The following PRDM10 variants were observed in gnomAD, a reference collection of about 807,000 sequenced individuals.
PRDM10 encodes PR/SET domain 10.
In PRDM10, 65 loss-of-function variants were observed where a neutral mutation model predicts 133.1. That is an observed-to-expected ratio of 0.49 (90% CI 0.40 to 0.60). The LOEUF is 0.60. PRDM10 is among the 20% of genes least tolerant of loss of function. The probability of loss-of-function intolerance (pLI) is 0.00; values close to 1 mark genes in which losing one functional copy is unlikely to be tolerated. For synonymous variants in PRDM10, 582 were observed against 580.4 expected (o/e 1.00, Z -0.04); for missense variants, 1,137 against 1,507.1 (o/e 0.75, Z 4.07).
In PRDM10 at chr11:129,947,274, C is replaced by T; in HGVS notation, c.391G>A (p.Glu131Lys). The change falls in exon 5 of 21, where the codon GAG becomes AAG. Residue 131 changes from glutamate to lysine, a missense_variant. Glu to Lys is a moderately conservative substitution (Grantham distance 56). This residue lies in a region of PRDM10 where 635 missense variants were observed against 835.2 expected (regional missense o/e 0.76). Transcript: ENST00000360871. This position sits in a 1 kb window ranked among gnomAD's most constrained non-coding sequence, Gnocchi z 4.6. ...TCCTCATCCTCTTCCTCTTTGGCCT[C>T]CAGTCTGCCTAGAGGGGTCTGCAGA... ...ATLQTPLGRL[E>K]AKEEEDEDED... 1 of 1,614,150 alleles carries T rather than the reference C, an allele frequency of 6.2e-7. No homozygotes were observed. The highest frequency in any genetic ancestry group is 8.5e-7 in the Non-Finnish European group (1 of 1,180,032).
In PRDM10 at chr11:129,918,320, T is replaced by C. The variant is rs1473924642; in HGVS notation, c.2214+219A>G. ...AAAAAAGAAAAAGAAAAAGACCTCT[T>C]ACAAGAATTGATCCAAAAAGCAGCA... is the stretch of plus-strand genomic sequence containing the variant. On this transcript the variant is annotated intron_variant, in intron 14 of 20. Transcript: ENST00000360871. This position sits in a 1 kb window ranked among gnomAD's most constrained non-coding sequence, Gnocchi z 5.3. 6.6e-6 allele frequency among the ~76,000 whole-genome samples: 1 copy of C among 151,396 alleles called. No individual in the cohort carries two copies. The highest frequency in any genetic ancestry group is 6.6e-5 in the Admixed American group (1 of 15,202).
At chr11:129,905,190 C>T (rs544070374) in intron 20 of PRDM10, among the ~76,000 whole-genome samples, 2 of 152,002 alleles carry the variant, frequency 1.3e-5, no homozygotes, top group East Asian at 3.9e-4. Flanking sequence ...GGTGAAACCC[C>T]ATCTCTACTA....
chr11:129,970,594 G>T (rs980242484), intron 1 of PRDM10, among the ~76,000 whole-genome samples: 3 of 151,120 alleles, frequency 2.0e-5, no homozygotes, highest in African/African-American at 7.3e-5. Flanking sequence ...GCCCAGGATG[G>T]AGTGCAGTGG....
chr11:129,925,008 G>GT lies in PRDM10; in HGVS notation c.1751dup (p.Tyr584Ter), dbSNP rs1440096674. 6.2e-7 allele frequency: 1 copy of GT among 1,614,178 alleles called. No homozygotes were observed. Among genetic ancestry groups the GT allele is most frequent in the South Asian group, 1.1e-5 (1 of 91,078 alleles). Residue 584 changes from tyrosine to a stop codon, truncating the protein, a stop_gained and frameshift_variant, in exon 12 of 21, where the codon TAC becomes TAAC. Coordinates refer to ENST00000360871, the MANE Select transcript of PRDM10 (RefSeq NM_199437.2). LOFTEE classifies it high-confidence loss of function. ...AGGATTCTGGGCAAAAAATGCAAGA[G>GT]TAAGTCTTCTGGTCTGAGTGGAGCT... ...HMKLHSDQKT[Y>*]SCIFCPESFD...
At position 129,986,923 on chromosome 11, in the gene PRDM10, T is replaced by C. The variant is rs553931667; in HGVS notation, c.-119+15799A>G. Among the ~76,000 whole-genome samples the C allele has an allele frequency of 2.6e-5, 4 of 152,352 alleles. No homozygotes were observed. In the South Asian group the frequency reaches 8.3e-4, roughly 32 times the overall value. ...CCTGGCCCATAGGAACACTCAACAG[T>C]GCTCATTGTTGTGGTTTTTGTATTT... On this transcript the variant is annotated intron_variant, in intron 1 of 20. Transcript: ENST00000360871.
At chr11:129,957,503 G>C (rs1029144562) in intron 3 of PRDM10, among the ~76,000 whole-genome samples, 4 of 152,144 alleles carry the variant, frequency 2.6e-5, no homozygotes, top group Non-Finnish European at 4.4e-5. Flanking sequence ...ATTTTTAGTA[G>C]AGACAGGGTT....
chr11:130,001,877 G>A (rs941739856), intron 1 of PRDM10, among the ~76,000 whole-genome samples: 4 of 151,852 alleles, frequency 2.6e-5, no homozygotes, highest in African/African-American at 4.8e-5. Flanking sequence ...CCCCGGCCTC[G>A]GCCTCCGCCT....
rs1186132389 is a variant in PRDM10 at position 129,901,164 on chromosome 11, T to G, written c.*1149A>C. On this transcript the variant is annotated 3_prime_UTR_variant, in exon 21 of 21. Coordinates refer to ENST00000360871, the MANE Select transcript of PRDM10 (RefSeq NM_199437.2). ...AGATCCCTTATAACTACCTGAATTA[T>G]TAGAAGTGGCCATCACATTTTAATT... 6.6e-6 allele frequency: 1 copy of G among 152,646 alleles called. No individual in the cohort carries two copies. The highest frequency in any genetic ancestry group is 1.5e-5 in the Non-Finnish European group (1 of 68,036). The allele number at this position is 152,646 out of a possible 1,614,324, so 9.5% of individuals were successfully genotyped here.
At position 129,960,869 on chromosome 11, in the gene PRDM10, A is replaced by T. The variant is rs1046168877; in HGVS notation, c.69+27T>A. On this transcript the variant is annotated intron_variant, in intron 2 of 20. Transcript: ENST00000360871. ...TGAGTCCAGCTGAAAACCTCTCAAT[A>T]CCAAGCTGGAAAAGACCAGTCTTCA... 1.9e-6 allele frequency: 3 copies of T among 1,613,086 alleles called. No homozygotes were observed. The Admixed American group carries it at 5.0e-5, about 27-fold the overall frequency.
At chr11:129,913,306 C>G (rs977305785) in intron 17 of PRDM10, among the ~76,000 whole-genome samples, 1 of 151,518 alleles carries the variant, frequency 6.6e-6, no homozygotes, top group Non-Finnish European at 1.5e-5. Context: ...AGCTCCAATG[C>G]TGCACTCGCA....
chr11:129,971,520 CAG>C (rs1952024729), intron 1 of PRDM10, among the ~76,000 whole-genome samples: 1 of 151,618 alleles, frequency 6.6e-6, no homozygotes, highest in South Asian at 2.1e-4. Context: ...GAGCTAAACA[CAG>C]GGTGCTGATT....
chr11:129,940,410 A>G (rs972456808), intron 7 of PRDM10, among the ~76,000 whole-genome samples: 7 of 152,178 alleles, frequency 4.6e-5, no homozygotes, highest in African/African-American at 1.7e-4. Flanking sequence ...ACTTCCAGAA[A>G]TGTTTTATGA....
chr11:129,922,096 G>A (rs774565670), intron 13 of PRDM10, among the ~76,000 whole-genome samples: 35 of 152,106 alleles, frequency 2.3e-4, no homozygotes, highest in Non-Finnish European at 4.6e-4. Flanking sequence ...CTATAATTAA[G>A]TTCTTAGTCC....
chr11:129,978,680 C>T (rs1326446331), intron 1 of PRDM10, among the ~76,000 whole-genome samples: 1 of 152,340 alleles, frequency 6.6e-6, no homozygotes, highest in East Asian at 1.9e-4. Context: ...GAAATCTTCA[C>T]ACCAGGCAGT....
At chr11:129,963,362 G>A (rs1003185897) in intron 1 of PRDM10, among the ~76,000 whole-genome samples, 1 of 110,700 alleles carries the variant, frequency 9.0e-6, no homozygotes. Context: ...AACACAGAGA[G>A]ACCCTGCTGA....
chr11:129,902,019 G>T lies in PRDM10; in HGVS notation c.*294C>A, dbSNP rs747866518. ...AATATTTCCACAAAGGAAAAGTAAGGCTCGTCAGTATGTTAAAAGACCAGC... is the reference window on the plus strand; with the variant it reads ...AATATTTCCACAAAGGAAAAGTAAGTCTCGTCAGTATGTTAAAAGACCAGC... On this transcript the variant is annotated 3_prime_UTR_variant, in exon 21 of 21. Transcript: ENST00000360871. The T allele has an allele frequency of 3.2e-6, 1 of 316,626 alleles. No individual in the cohort carries two copies. Among genetic ancestry groups the T allele is most frequent in the East Asian group, 6.1e-5 (1 of 16,360 alleles). 19.6% of individuals were successfully genotyped at this position (316,626 alleles called of 1,614,324 possible). A position where few individuals can be genotyped will look rare whatever the true frequency, so the allele number is the denominator to read the frequency against.
At chr11:129,986,711 T>C (rs79172374) in intron 1 of PRDM10, among the ~76,000 whole-genome samples, 3,765 of 152,222 alleles carry the variant, frequency 0.025, 125 homozygotes, top group African/African-American at 0.073. Flanking sequence ...AACAGATCTC[T>C]AGGGTCGGGG....
At chr11:129,963,175 A>T (rs1951829095) in intron 1 of PRDM10, among the ~76,000 whole-genome samples, 1 of 151,884 alleles carries the variant, frequency 6.6e-6, no homozygotes, top group African/African-American at 2.4e-5. Context: ...AAAGGAATAA[A>T]TGTCACCAAT....
intron 1 of PRDM10, among the ~76,000 whole-genome samples, chr11:129,979,669 T>C (rs7111882): frequency 0.38 from 57,332 of 152,038 alleles, 13,349 homozygotes; most frequent in African/African-American, 0.64. Flanking sequence ...TAAGCAAAGC[T>C]CTCGAGGAGA....
Sources: gnomAD v4.1 joint callset for allele counts (sites outside exome capture counted in the v4.1 genomes callset) on GRCh38, gnomAD v4.1.1 for gene constraint, gnomAD v4.1.1 regional missense constraint, Gnocchi (gnomAD v3.1) non-coding constraint, MANE v1.5 for transcripts, NCBI Gene and HGNC (gene_info 2026-07-23, HGNC 2026-07-21) for gene names.